Variants in PACC1 observed in about 807,000 individuals in gnomAD.
PACC1 encodes proton-activated chloride channel.
Under a neutral mutation model 39.7 loss-of-function variants are expected in PACC1, and 34 were observed. That is an observed-to-expected ratio of 0.86 (90% CI 0.65 to 1.14). The LOEUF (loss-of-function observed/expected upper bound fraction) is 1.14. Among genes scored for constraint, PACC1 ranks in the 50% most tolerant of loss-of-function variants. The probability of loss-of-function intolerance (pLI) is 0.00; values close to 1 mark genes in which losing one functional copy is unlikely to be tolerated. For synonymous variants in PACC1, 127 were observed against 160.6 expected (o/e 0.79, Z 1.58); for missense variants, 379 against 436.4 (o/e 0.87, Z 1.17).
At chr1:212,381,064 C>T (rs1432814235) in intron 4 of PACC1, among the ~76,000 whole-genome samples, 1 of 152,204 alleles carries the variant, frequency 6.6e-6, no homozygotes. Context: ...CACATACATA[C>T]TCTAAATTTA....
At chr1:212,399,933 C>T (rs1661656299) in intron 2 of PACC1, among the ~76,000 whole-genome samples, 1 of 152,136 alleles carries the variant, frequency 6.6e-6, no homozygotes. Context: ...CAACCTCCGC[C>T]TCCTGGGGTC....
intron 2 of PACC1, among the ~76,000 whole-genome samples, chr1:212,393,235 A>T (rs1280030454): frequency 6.6e-6 from 1 of 152,170 alleles, no homozygotes; most frequent in Non-Finnish European, 1.5e-5. Flanking sequence ...TAACAAACTG[A>T]CTCTCAGACC....
chr1:212,374,049 G>GAAAAAAAAAAAAAAAAAA (rs199738815), intron 7 of PACC1, among the ~76,000 whole-genome samples: 1 of 89,974 alleles, frequency 1.1e-5, no homozygotes, highest in Non-Finnish European at 2.6e-5. Context: ...AAAAAGAAAA[G>GAAAAAAAAAAAAAAAAAA]AAAAAAAAAA....
chr1:212,414,049 G>A (rs1414489810), intron 1 of PACC1: 2 of 1,535,444 alleles, frequency 1.3e-6, no homozygotes, highest in Non-Finnish European at 1.7e-6. Context: ...GAGGAGGCAG[G>A]GCTTGCTTGA....
chr1:212,409,439 C>T lies in PACC1; in HGVS notation c.133+986G>A, dbSNP rs76282656. ...AATTCCAGGCAGAGAAATAAAACAA[C>T]AAAAAGGCCCTGTGGTGAGAGGGAA... is the stretch of plus-strand genomic sequence containing the variant. On this transcript the variant is annotated intron_variant, in intron 2 of 7. Coordinates refer to ENST00000261455, the MANE Select transcript of PACC1 (RefSeq NM_018252.3). Among the ~76,000 whole-genome samples, 409 of 151,912 alleles carry T rather than the reference C, an allele frequency of 2.7e-3. 2 individuals carry two copies. Among genetic ancestry groups the T allele is most frequent in the African/African-American group, 9.0e-3 (373 of 41,436 alleles).
rs754623496 is a variant in PACC1, at chr1:212,386,957, G to C, written c.277C>G (p.Arg93Gly). 2 of 1,614,188 alleles carry C rather than the reference G, an allele frequency of 1.2e-6. No homozygotes were observed. The highest frequency in any genetic ancestry group is 1.7e-6 in the Non-Finnish European group (2 of 1,180,032). ...FLVYRTITDF[R>G]EKLKHPVMSV... Reference sequence around the variant, plus strand: ...ATGACAGGGTGCTTGAGTTTCTCACGAAAGTCTGTGATGGTCCGGTAGACC... The same window carrying C: ...ATGACAGGGTGCTTGAGTTTCTCACCAAAGTCTGTGATGGTCCGGTAGACC... Residue 93 changes from arginine to glycine, a missense_variant, in exon 3 of 8, where the codon CGT (arginine) becomes GGT (glycine). Arg to Gly is a moderately radical substitution (Grantham distance 125). Coordinates refer to ENST00000261455, the MANE Select transcript of PACC1 (RefSeq NM_018252.3). The surrounding 1 kb of genome is among the most constrained non-coding windows in gnomAD (Gnocchi z 5.0).
intron 2 of PACC1, among the ~76,000 whole-genome samples, chr1:212,405,127 T>C: frequency 6.6e-6 from 1 of 152,132 alleles, no homozygotes; most frequent in Non-Finnish European, 1.5e-5. Context: ...CTCTACCATT[T>C]CTTTGGCCCT....
chr1:212,394,505 A>C (rs2102516354), intron 2 of PACC1, among the ~76,000 whole-genome samples: 1 of 152,340 alleles, frequency 6.6e-6, no homozygotes, highest in Non-Finnish European at 1.5e-5. Context: ...AACTGGAAGC[A>C]TTCCCTTTGA....
chr1:212,390,418 C>A, intron 2 of PACC1, among the ~76,000 whole-genome samples: 1 of 138,144 alleles, frequency 7.2e-6, no homozygotes. Flanking sequence ...AGCAAAACTC[C>A]ATCTCAAAAA....
intron 2 of PACC1, among the ~76,000 whole-genome samples, chr1:212,390,092 G>A (rs1661252977): frequency 6.6e-6 from 1 of 152,040 alleles, no homozygotes; most frequent in Non-Finnish European, 1.5e-5. Flanking sequence ...ATCTAGCAGT[G>A]TAGTGACATG....
chr1:212,382,062 G>A (rs1349248786), intron 4 of PACC1, among the ~76,000 whole-genome samples: 6 of 150,816 alleles, frequency 4.0e-5, no homozygotes, highest in South Asian at 2.1e-4. Flanking sequence ...TTTTTGAGAC[G>A]GTGTCTCGCT....
At chr1:212,365,438 T>C in intron 7 of PACC1, 62 bp from the exon 8 acceptor site, 1 of 1,501,568 alleles carries the variant, frequency 6.7e-7, no homozygotes, top group East Asian at 2.3e-5. Flanking sequence ...TCTTTTTTTT[T>C]TTTTTTTTTT....
chr1:212,370,157 T>C (rs2102467082), intron 7 of PACC1, among the ~76,000 whole-genome samples: 1 of 152,260 alleles, frequency 6.6e-6, no homozygotes, highest in South Asian at 2.1e-4. Context: ...CAAATGGACC[T>C]AACTGACATT....
At chr1:212,381,897 C>T (rs879527755) in intron 4 of PACC1, among the ~76,000 whole-genome samples, 2 of 152,246 alleles carry the variant, frequency 1.3e-5, no homozygotes, top group East Asian at 1.9e-4. Flanking sequence ...CTACGCCACA[C>T]GGCCTGCATG....
At chr1:212,393,456 T>C (rs989623463) in intron 2 of PACC1, among the ~76,000 whole-genome samples, 14 of 152,162 alleles carry the variant, frequency 9.2e-5, no homozygotes, top group Non-Finnish European at 2.1e-4. Flanking sequence ...GGGAAATTTA[T>C]AGCACTAAAT....
intron 2 of PACC1, among the ~76,000 whole-genome samples, chr1:212,396,132 G>A (rs1055141566): frequency 2.0e-5 from 3 of 152,082 alleles, no homozygotes; most frequent in African/African-American, 7.2e-5. Flanking sequence ...AAAGACACAC[G>A]CAAACATATG....
At chr1:212,410,839 T>C (rs1367526883) in intron 1 of PACC1, among the ~76,000 whole-genome samples, 1 of 152,216 alleles carries the variant, frequency 6.6e-6, no homozygotes, top group Admixed American at 6.5e-5. Flanking sequence ...CTCCTTCTTC[T>C]ACGAGTGGTG....
intron 2 of PACC1, among the ~76,000 whole-genome samples, chr1:212,397,801 C>G (rs1661577603): frequency 6.6e-6 from 1 of 152,182 alleles, no homozygotes; most frequent in Non-Finnish European, 1.5e-5. Context: ...TGCACCTAAA[C>G]CACAAGGAGA....
At chr1:212,376,602 C>A (rs898352621) in intron 6 of PACC1, among the ~76,000 whole-genome samples, 1 of 152,154 alleles carries the variant, frequency 6.6e-6, no homozygotes, top group African/African-American at 2.4e-5. Flanking sequence ...AGGTAAAAAT[C>A]TGGGAGATGA....
Sources: gnomAD v4.1 joint callset for allele counts (sites outside exome capture counted in the v4.1 genomes callset) on GRCh38, gnomAD v4.1.1 for gene constraint, Gnocchi (gnomAD v3.1) non-coding constraint, MANE v1.5 for transcripts, NCBI Gene and HGNC (gene_info 2026-07-23, HGNC 2026-07-21) for gene names.